NARF: variants seen among roughly 807,000 people sequenced by gnomAD.
NARF encodes nuclear prelamin A recognition factor, also known as iron-only hydrogenase-like protein 2.
In NARF, 41 loss-of-function variants were observed where a neutral mutation model predicts 48.0. That is an observed-to-expected ratio of 0.85 (90% confidence interval 0.66 to 1.11). The LOEUF is 1.11. NARF is among the 50% of genes least tolerant of loss of function. NARF has a pLI of 0.00. For missense variants in NARF, 613 were observed against 590.2 expected (o/e 1.04, Z -0.40); for synonymous variants, 215 against 225.5 (o/e 0.95, Z 0.42).
chr17:82,486,178 C>T (rs1232120788), intron 10 of NARF, among the ~76,000 whole-genome samples: 2 of 152,116 alleles, frequency 1.3e-5, no homozygotes, highest in Non-Finnish European at 2.9e-5. Flanking sequence ...CCACCTGGGG[C>T]AGGGGGAGTG....
In NARF at chr17:82,488,068, G is replaced by T. The variant is rs1235489957; in HGVS notation, c.1282G>T (p.Gly428Trp). 6.2e-7 allele frequency: 1 copy of T among 1,614,074 alleles called. No homozygotes were observed. Among genetic ancestry groups the T allele is most frequent in the South Asian group, 1.1e-5 (1 of 91,082 alleles). ...GGAGCTGTACCAGGAGTGGCTGGAG[G>T]GGATCAACTCCCCCAAGGCCCGAGA... ...VQELYQEWLE[G>W]INSPKAREVL... Residue 428 changes from glycine to tryptophan, a missense_variant, in exon 11 of 11, where the codon GGG becomes TGG. By Grantham distance (184) the Gly-to-Trp change is radical (BLOSUM62 -2). Coordinates refer to ENST00000309794, the MANE Select transcript of NARF (RefSeq NM_012336.4).
upstream of NARF, chr17:82,458,489 G>A: frequency 5.8e-6 from 2 of 343,874 alleles, no homozygotes; most frequent in Non-Finnish European, 1.1e-5. Context: ...CCGGCGCAAG[G>A]ACCCGGTCCC....
At chr17:82,466,047 C>T (rs1330197290) in intron 3 of NARF, among the ~76,000 whole-genome samples, 1 of 152,160 alleles carries the variant, frequency 6.6e-6, no homozygotes, top group East Asian at 1.9e-4. Context: ...CCATGCATAC[C>T]CGTCCCCACC....
intron 1 of NARF, 22 bp from the exon 2 acceptor site, chr17:82,459,970 A>G (rs776392943): frequency 1.3e-6 from 2 of 1,590,748 alleles, no homozygotes; most frequent in Non-Finnish European, 1.7e-6. Context: ...GTTCATTGAT[A>G]ATGTTCCTTT....
chr17:82,488,344 T>C lies in NARF; in HGVS notation c.*187T>C. On this transcript the variant is annotated 3_prime_UTR_variant, in exon 11 of 11. Transcript: ENST00000309794. ...CCTCAGGCAGTTTCATGTGGTGCTA[T>C]CTTCATAATAGGTGTGGGATTGGAA... is the stretch of plus-strand genomic sequence containing the variant. 1 of 859,938 alleles carries C rather than the reference T, an allele frequency of 1.2e-6. No individual in the cohort carries two copies. The highest frequency in any genetic ancestry group is 1.7e-6 in the Non-Finnish European group (1 of 584,216). 53.3% of individuals were successfully genotyped at this position (859,938 alleles called of 1,614,324 possible).
Position 82,488,126 on chromosome 17 carries a change from G to A in NARF, c.1340G>A (p.Arg447His), listed in dbSNP as rs1355816578. 11 of 1,613,986 alleles carry A rather than the reference G, an allele frequency of 6.8e-6. No homozygotes were observed. The highest frequency in any genetic ancestry group is 1.7e-4 in the Middle Eastern group (1 of 6,054). ...CATACCACGTACCAGAGCCAGGAGC[G>A]TGGCACACACAGCCTGGACATCAAG... is the stretch of plus-strand genomic sequence containing the variant. ...VLHTTYQSQE[R>H]GTHSLDIKW Residue 447 changes from arginine (R) to histidine (H), a missense_variant, in exon 11 of 11, where the codon CGT (arginine) becomes CAT (histidine). Transcript: ENST00000309794.
chr17:82,485,281 T>C (rs1268704251), intron 9 of NARF, among the ~76,000 whole-genome samples: 4 of 151,420 alleles, frequency 2.6e-5, no homozygotes, highest in Non-Finnish European at 5.9e-5. Context: ...ATTTGCCGAG[T>C]GTGGTGGTGA....
Position 82,490,083 on chromosome 17 carries a change from C to G in NARF, c.*1926C>G, listed in dbSNP as rs1473041411. The G allele has an allele frequency of 1.3e-5, 2 of 152,272 alleles. No homozygotes were observed. Among genetic ancestry groups the G allele is most frequent in the African/African-American group, 4.8e-5 (2 of 41,458 alleles). 9.4% of individuals were successfully genotyped at this position (152,272 alleles called of 1,614,324 possible). On this transcript the variant is annotated 3_prime_UTR_variant, in exon 11 of 11. Transcript: ENST00000309794. ...CCTCAGGTGATCCAACCACCTCAGC[C>G]TCCCAAAATGCTGGGATTACAGGCG...
intron 5 of NARF, chr17:82,478,561 G>A (rs542079125): frequency 1.5e-5 from 9 of 606,348 alleles, no homozygotes; most frequent in Admixed American, 8.6e-5. Flanking sequence ...CTTGTCTGTC[G>A]GCCTTGCAGG....
intron 2 of NARF, chr17:82,463,145 A>T (rs1348963657): frequency 6.6e-6 from 1 of 152,206 alleles, no homozygotes; most frequent in Non-Finnish European, 1.5e-5. Flanking sequence ...GAGGAGGCAC[A>T]TCCATAGCCG....
intron 1 of NARF, chr17:82,459,098 C>T (rs1022196193): frequency 6.7e-6 from 8 of 1,189,062 alleles, no homozygotes; most frequent in Middle Eastern, 3.3e-4. Context: ...GAGACCGAGC[C>T]TCTCGTGCCG....
intron 5 of NARF, among the ~76,000 whole-genome samples, chr17:82,476,434 GC>G (rs1020597041): frequency 1.3e-5 from 2 of 151,270 alleles, no homozygotes; most frequent in African/African-American, 4.9e-5. Context: ...GAGCCACTGT[GC>G]CCAGCTAACA....
rs1031079085 is a variant in NARF, at chr17:82,468,307, G to GTT, written c.253-442_253-441dup. ...GCCTGGGCAACAAGGGTGAAACTCT[G>GTT]TTTTTTTTTTTTTTTTACTGTAGCC... On this transcript the variant is annotated intron_variant, in intron 3 of 10. Coordinates refer to ENST00000309794, the MANE Select transcript of NARF (RefSeq NM_012336.4). Among the ~76,000 whole-genome samples the GTT allele has an allele frequency of 6.7e-4, 88 of 131,740 alleles. 2 individuals are homozygous for GTT. The highest frequency in any genetic ancestry group is 1.6e-3 in the African/African-American group (59 of 36,358). The allele number at this position is 131,740 out of a possible 152,430, so 86.4% of individuals were successfully genotyped here. A position where few individuals can be genotyped will look rare whatever the true frequency, so the allele number is the denominator to read the frequency against.
At chr17:82,471,791 C>CAAAAAAAAAAAAAAA (rs58302009) in intron 4 of NARF, among the ~76,000 whole-genome samples, 45 of 64,584 alleles carry the variant, frequency 7.0e-4, no homozygotes, top group African/African-American at 2.6e-3. Context: ...GACTCCGTCT[C>CAAAAAAAAAAAAAAA]AAAAAAAAAA....
At chr17:82,473,574 A>G (rs1599837318) in intron 5 of NARF, among the ~76,000 whole-genome samples, 1 of 148,068 alleles carries the variant, frequency 6.8e-6, no homozygotes, top group Non-Finnish European at 1.5e-5. Flanking sequence ...GATGGTCTCG[A>G]TCTCCTGACC....
intron 8 of NARF, chr17:82,484,588 C>T (rs544176784): frequency 3.8e-5 from 17 of 448,948 alleles, no homozygotes; most frequent in Admixed American, 1.2e-4. Context: ...TGCATGGGCT[C>T]GGCGTGACTG....
intron 3 of NARF, 128 bp from the exon 4 acceptor site, chr17:82,468,636 G>T: frequency 2.3e-6 from 2 of 857,902 alleles, no homozygotes; most frequent in South Asian, 2.0e-5. Context: ...GTTTGCCAGT[G>T]TTTGTCTATT....
At chr17:82,483,871 A>G (rs770711741) in intron 8 of NARF, 92 bp downstream of exon 8, 42 of 1,212,584 alleles carry the variant, frequency 3.5e-5, no homozygotes, top group Non-Finnish European at 4.8e-5. Flanking sequence ...GCCCTGCTTT[A>G]TGACGAGGCC....
intron 10 of NARF, 90 bp downstream of exon 10, chr17:82,485,744 G>T (rs1599856961): frequency 2.1e-5 from 30 of 1,442,654 alleles, no homozygotes; most frequent in Admixed American, 8.1e-5. Context: ...GGTGCTCTTG[G>T]CCACCCAGAG....
Sources: allele counts gnomAD v4.1 joint callset (sites outside exome capture counted in the v4.1 genomes callset), GRCh38; gene constraint gnomAD v4.1.1; transcripts MANE v1.5; gene names NCBI Gene and HGNC (gene_info 2026-07-23, HGNC 2026-07-21).